Variants in CMTM1 observed in about 807,000 individuals in gnomAD.
CMTM1 encodes the protein CKLF-like MARVEL transmembrane domain-containing protein 1.
CMTM1 carries 16 observed loss-of-function variants against 17.8 expected under a neutral mutation model. That is an observed-to-expected ratio of 0.90 (90% CI 0.61 to 1.37). The LOEUF (loss-of-function observed/expected upper bound fraction) is 1.37. Among genes scored for constraint, CMTM1 ranks in the 40% most tolerant of loss-of-function variants. CMTM1 has a pLI of 0.00. For missense variants in CMTM1, 354 were observed against 375.6 expected, an observed-to-expected ratio of 0.94 and a Z score of 0.47; for synonymous variants, 169 against 154.6, an observed-to-expected ratio of 1.09 and a Z score of -0.69.
intron 3 of CMTM1, 48 bp downstream of exon 3, chr16:66,577,250 T>C: frequency 6.6e-7 from 1 of 1,519,152 alleles, no homozygotes. Context: ...ATTCCAAGAC[T>C]TTGAAAAGGG....
At chr16:66,570,546 G>T (rs1034088703) in intron 2 of CMTM1, among the ~76,000 whole-genome samples, 5 of 152,176 alleles carry the variant, frequency 3.3e-5, no homozygotes, top group Non-Finnish European at 7.3e-5. Context: ...ACCTGTGTGT[G>T]TGTGTTAGGG....
intron 2 of CMTM1, among the ~76,000 whole-genome samples, chr16:66,572,629 T>C (rs1597166843): frequency 6.6e-6 from 1 of 152,032 alleles, no homozygotes; most frequent in Non-Finnish European, 1.5e-5. Flanking sequence ...CTAGAACTGT[T>C]TGAGTCGGGC....
chr16:66,578,321 C>T (rs2014510128), intron 3 of CMTM1, among the ~76,000 whole-genome samples: 1 of 152,176 alleles, frequency 6.6e-6, no homozygotes, highest in African/African-American at 2.4e-5. Flanking sequence ...CTGAATCTCA[C>T]ACCTGACCTC....
At chr16:66,569,326 G>A (rs561456313) in intron 1 of CMTM1, among the ~76,000 whole-genome samples, 1 of 152,302 alleles carries the variant, frequency 6.6e-6, no homozygotes, top group East Asian at 1.9e-4. Context: ...AAACATGGGA[G>A]ACATAAACAG....
intron 1 of CMTM1, among the ~76,000 whole-genome samples, chr16:66,567,877 T>A (rs2012826869): frequency 6.6e-6 from 1 of 152,024 alleles, no homozygotes; most frequent in Admixed American, 6.5e-5. Context: ...ATAATGTAAA[T>A]CACCAAAACT....
At chr16:66,572,184 ACT>A (rs555234910) in intron 2 of CMTM1, among the ~76,000 whole-genome samples, 100 of 151,788 alleles carry the variant, frequency 6.6e-4, no homozygotes, top group Middle Eastern at 6.8e-3. Context: ...TGGTGGGGAA[ACT>A]CTCTGTTACC....
chr16:66,577,167 G>A lies in CMTM1; in HGVS notation c.655G>A (p.Glu219Lys). The part of the protein sequence containing the change: ...LSVVAILAMQ[E>K]KKRRHLLYVG... ...AGTAGTTGCCATCTTGGCCATGCAAGAAAAGAAAAGAAGGCATTTACTCTA... is the reference window on the plus strand; with the variant it reads ...AGTAGTTGCCATCTTGGCCATGCAAAAAAAGAAAAGAAGGCATTTACTCTA... Residue 219 changes from glutamate (E) to lysine (K), a missense_variant, in exon 3 of 4, where the codon GAA becomes AAA. Coordinates refer to ENST00000379500, the MANE Select transcript of CMTM1 (RefSeq NM_052999.4). 3.7e-6 allele frequency: 6 copies of A among 1,613,512 alleles called. No individual in the cohort carries two copies. Among genetic ancestry groups the A allele is most frequent in the Non-Finnish European group, 5.1e-6 (6 of 1,179,648 alleles).
intron 2 of CMTM1, among the ~76,000 whole-genome samples, chr16:66,576,074 CAAAG>C (rs2014193821): frequency 6.6e-6 from 1 of 152,182 alleles, no homozygotes; most frequent in African/African-American, 2.4e-5. Context: ...TTTCAGCACA[CAAAG>C]AAGCAGGTTG....
At chr16:66,567,163 T>C (rs2012624702) in intron 1 of CMTM1, 1 of 648,692 alleles carries the variant, frequency 1.5e-6, no homozygotes. Flanking sequence ...TCTTTTTTTT[T>C]TTTTTTTATT....
At chr16:66,575,310 T>C in intron 2 of CMTM1, 3 of 690,160 alleles carry the variant, frequency 4.3e-6, no homozygotes, top group South Asian at 6.5e-5. Context: ...TTCAGATTCA[T>C]TATGCCATTT....
chr16:66,567,229 A>G lies in CMTM1; in HGVS notation c.432+284A>G, dbSNP rs773827021. On this transcript the variant is annotated intron_variant, in intron 1 of 3. Coordinates refer to ENST00000379500, the MANE Select transcript of CMTM1 (RefSeq NM_052999.4). ...ACGTGCAGTTTTGTTACATAGGTAT[A>G]TACGCGCCATGGTGGTTTGCTGCAC... is the stretch of plus-strand genomic sequence containing the variant. 11 of 504,056 alleles carry G rather than the reference A, an allele frequency of 2.2e-5. No individual in the cohort carries two copies. In the Admixed American group the frequency reaches 2.7e-4, roughly 12 times the overall value. 31.2% of individuals were successfully genotyped at this position (504,056 alleles called of 1,614,324 possible).
chr16:66,569,334 C>T (rs2013129937), intron 1 of CMTM1, among the ~76,000 whole-genome samples: 1 of 152,166 alleles, frequency 6.6e-6, no homozygotes, highest in African/African-American at 2.4e-5. Flanking sequence ...GAGACATAAA[C>T]AGTCTGAGAA....
intron 3 of CMTM1, 54 bp downstream of exon 3, chr16:66,577,256 A>C: frequency 6.7e-7 from 1 of 1,494,862 alleles, no homozygotes; most frequent in South Asian, 1.1e-5. Context: ...AGACTTTGAA[A>C]AGGGAAATTG....
intron 2 of CMTM1, among the ~76,000 whole-genome samples, chr16:66,576,341 T>C (rs1483116066): frequency 6.6e-6 from 1 of 151,402 alleles, no homozygotes; most frequent in African/African-American, 2.4e-5. Context: ...GAGGTTGCAA[T>C]GAGCCAAGAT....
chr16:66,571,311 C>G (rs967437005), intron 2 of CMTM1: 1 of 393,016 alleles, frequency 2.5e-6, no homozygotes, highest in Non-Finnish European at 5.1e-6. Flanking sequence ...GTGCCAGATA[C>G]TTTTTCATGT....
chr16:66,569,645 C>T (rs2013186992), intron 1 of CMTM1, among the ~76,000 whole-genome samples: 3 of 152,140 alleles, frequency 2.0e-5, no homozygotes, highest in Admixed American at 2.0e-4. Context: ...AGTATATATA[C>T]AGACTTCTTT....
rs139650866 is a variant in CMTM1, at chr16:66,568,620, C to T, written c.433-1316C>T. On this transcript the variant is annotated intron_variant, in intron 1 of 3. Coordinates refer to ENST00000379500, the MANE Select transcript of CMTM1 (RefSeq NM_052999.4). ...GAAAAGAGGTGGCCAGGCGCAGTGA[C>T]TCACATCTGTAATCCCAGCACTTTG... Among the ~76,000 whole-genome samples, 323 of 152,266 alleles carry T rather than the reference C, an allele frequency of 2.1e-3. 1 individual carries two copies. The highest frequency in any genetic ancestry group is 0.017 in the Middle Eastern group (5 of 294).
rs779938973 is a variant in CMTM1 at position 66,566,804 on chromosome 16, T to A, written c.291T>A (p.Ser97=). 2 of 1,612,882 alleles carry A rather than the reference T, an allele frequency of 1.2e-6. No individual in the cohort carries two copies. Among genetic ancestry groups the A allele is most frequent in the African/African-American group, 2.7e-5 (2 of 74,816 alleles). The stretch of plus-strand genomic sequence containing the variant: ...CCACACTCCCACCCCCCACGCCCTC[T>A]GCACACACTGAATCCAAACTCTTAA... ...PKPTLPPPTP[S]AHTESKLLNE... The change falls in exon 1 of 4, where the codon TCT becomes TCA. Residue 97 remains serine (S), a synonymous_variant. Transcript: ENST00000379500. The surrounding 1 kb of genome is among the most constrained non-coding windows in gnomAD (Gnocchi z 4.9).
At chr16:66,573,116 T>C (rs1266837163) in intron 2 of CMTM1, among the ~76,000 whole-genome samples, 1 of 152,192 alleles carries the variant, frequency 6.6e-6, no homozygotes, top group Admixed American at 6.5e-5. Flanking sequence ...CCCTAACCTA[T>C]GTTAGGGCCT....
Sources: gnomAD v4.1 joint callset for allele counts (sites outside exome capture counted in the v4.1 genomes callset) on GRCh38, gnomAD v4.1.1 for gene constraint, Gnocchi (gnomAD v3.1) non-coding constraint, MANE v1.5 for transcripts, NCBI Gene and HGNC (gene_info 2026-07-23, HGNC 2026-07-21) for gene names.